The following GABPB2 variants were observed in gnomAD, a reference collection of about 807,000 sequenced individuals.
GABPB2 encodes the protein GA binding protein transcription factor subunit beta 2.
A neutral mutation model predicts 39.1 loss-of-function variants in GABPB2; 23 were observed. That is an observed-to-expected ratio of 0.59 (90% CI 0.42 to 0.83). The LOEUF is 0.83. Ranked by LOEUF, GABPB2 falls within the 40% of genes least tolerant of loss-of-function variation. The pLI is 0.00. For missense variants in GABPB2, 467 were observed against 541.1 expected (o/e 0.86, Z 1.36); for synonymous variants, 184 against 199.3 (o/e 0.92, Z 0.65).
At chr1:151,114,359 T>C (rs192134721) in intron 7 of GABPB2, among the ~76,000 whole-genome samples, 48 of 150,124 alleles carry the variant, frequency 3.2e-4, no homozygotes, top group Non-Finnish European at 5.9e-4. Context: ...AATAAATAAA[T>C]AAATAAATAA....
chr1:151,077,472 T>C (rs1303513409), intron 1 of GABPB2, among the ~76,000 whole-genome samples: 1 of 148,944 alleles, frequency 6.7e-6, no homozygotes, highest in Non-Finnish European at 1.5e-5. Flanking sequence ...TTCTTCTGCC[T>C]CAGCCTCCTG....
intron 7 of GABPB2, among the ~76,000 whole-genome samples, chr1:151,113,469 CAAAA>C (rs959062545): frequency 1.6e-5 from 1 of 63,258 alleles, no homozygotes; most frequent in African/African-American, 5.2e-5. Context: ...ACTCCAACTG[CAAAA>C]AAAAAAAAAA....
chr1:151,103,568 C>G lies in GABPB2; in HGVS notation c.629C>G (p.Pro210Arg). The change falls in exon 6 of 9, where the codon CCC becomes CGC. Residue 210 changes from proline to arginine, a missense_variant. Pro to Arg is a moderately radical substitution (Grantham distance 103, BLOSUM62 -2). Transcript: ENST00000368918. ...GTCTTTCTTACTGAAATAGGTGACC[C>G]CCATGCCTCAACAGTACAGTTTTCA... ...STNTKTTSGDPHASTVQFSNS... is the reference protein window; with the variant it reads ...STNTKTTSGDRHASTVQFSNS... 1 of 1,611,752 alleles carries G rather than the reference C, an allele frequency of 6.2e-7. No homozygotes were observed. The highest frequency in any genetic ancestry group is 8.5e-7 in the Non-Finnish European group (1 of 1,178,130).
chr1:151,076,794 A>AT (rs57200969), intron 1 of GABPB2, among the ~76,000 whole-genome samples: 4,575 of 120,094 alleles, frequency 0.038, 124 homozygotes, highest in African/African-American at 0.084. Context: ...ACTTGGTCTG[A>AT]TTTTTTTTTT....
intron 2 of GABPB2, among the ~76,000 whole-genome samples, chr1:151,089,645 CTTTA>C (rs1331918903): frequency 6.6e-6 from 1 of 151,886 alleles, no homozygotes; most frequent in African/African-American, 2.4e-5. Flanking sequence ...TTAAAATTTA[CTTTA>C]TTTATTTATT....
At chr1:151,115,051 G>A (rs1257849734) in intron 7 of GABPB2, among the ~76,000 whole-genome samples, 1 of 152,080 alleles carries the variant, frequency 6.6e-6, no homozygotes, top group Non-Finnish European at 1.5e-5. Flanking sequence ...CTATTCTCTG[G>A]GATAAATGCC....
At chr1:151,100,580 CTTTTTTTTTTT>C (rs35251516) in intron 5 of GABPB2, among the ~76,000 whole-genome samples, 826 of 46,736 alleles carry the variant, frequency 0.018, 19 homozygotes, top group African/African-American at 0.063. Flanking sequence ...TGTGCCTGGC[CTTTTTTTTTTT>C]TTTTTTTTTT....
In GABPB2 at chr1:151,093,175, A is replaced by G; in HGVS notation, c.277-17A>G. 1.3e-6 allele frequency: 2 copies of G among 1,533,802 alleles called. No individual in the cohort carries two copies. The highest frequency in any genetic ancestry group is 1.8e-6 in the Non-Finnish European group (2 of 1,138,688). ...CTATAACCGCTGTTTGTTGAAAAAA[A>G]TGCTTTTCTGTGACAGAATGGTGCA... On this transcript the variant is annotated splice_polypyrimidine_tract_variant and intron_variant, in intron 3 of 8. Coordinates refer to ENST00000368918, the MANE Select transcript of GABPB2 (RefSeq NM_144618.3).
At position 151,125,238 on chromosome 1, in the gene GABPB2, C is replaced by T. The variant is rs1167287300; in HGVS notation, c.*6982C>T. On this transcript the variant is annotated 3_prime_UTR_variant, in exon 9 of 9. Transcript: ENST00000368918. The stretch of plus-strand genomic sequence containing the variant: ...TCTCTCCCTGACCTTGCCCCATGTG[C>T]TGTCCTTCTGTCAAGGCCATTTGTG... The T allele has an allele frequency of 6.6e-6, 1 of 152,252 alleles. No individual in the cohort carries two copies. The highest frequency in any genetic ancestry group is 2.4e-5 in the African/African-American group (1 of 41,428). The allele number at this position is 152,252 out of a possible 1,614,324, so 9.4% of individuals were successfully genotyped here.
chr1:151,107,166 T>G lies in GABPB2; in HGVS notation c.866T>G (p.Ile289Ser), dbSNP rs1223010652. The change falls in exon 7 of 9, where the codon ATC becomes AGC. Residue 289 changes from isoleucine to serine, a missense_variant. Coordinates refer to ENST00000368918, the MANE Select transcript of GABPB2 (RefSeq NM_144618.3). ...CCTCTGGGTAATATCCAAACTTCAA[T>G]CCCTACTGGAGGCATTGGCCAGCCA... Reference protein sequence around the residue: ...GVPLGNIQTSIPTGGIGQPFI... With the variant: ...GVPLGNIQTSSPTGGIGQPFI... The G allele has an allele frequency of 2.5e-6, 4 of 1,612,822 alleles. No individual in the cohort carries two copies. The highest frequency in any genetic ancestry group is 3.4e-6 in the Non-Finnish European group (4 of 1,179,534).
intron 3 of GABPB2, among the ~76,000 whole-genome samples, chr1:151,090,969 G>T (rs142196255): frequency 0.011 from 1,635 of 151,242 alleles, 42 homozygotes; most frequent in African/African-American, 0.038. Flanking sequence ...CTGCACTCCA[G>T]CCTGGACAAC....
chr1:151,092,634 G>A lies in GABPB2; in HGVS notation c.277-558G>A, dbSNP rs1007491803. Among the ~76,000 whole-genome samples the A allele has an allele frequency of 4.7e-5, 7 of 147,516 alleles. No individual in the cohort carries two copies. The East Asian group carries it at 1.4e-3, about 30-fold the overall frequency. On this transcript the variant is annotated intron_variant, in intron 3 of 8. Coordinates refer to ENST00000368918, the MANE Select transcript of GABPB2 (RefSeq NM_144618.3). ...GACGGTGGTCTCACTCTGTCACCCA[G>A]GCTAGAGTGTGGTGGTGCAGCCTCC...
Position 151,103,569 on chromosome 1 carries a change from C to G in GABPB2, c.630C>G (p.Pro210=). The G allele has an allele frequency of 1.9e-6, 3 of 1,612,066 alleles. No homozygotes were observed. Among genetic ancestry groups the G allele is most frequent in the East Asian group, 4.5e-5 (2 of 44,872 alleles). ...TCTTTCTTACTGAAATAGGTGACCCCCATGCCTCAACAGTACAGTTTTCAA... is the reference window on the plus strand; with the variant it reads ...TCTTTCTTACTGAAATAGGTGACCCGCATGCCTCAACAGTACAGTTTTCAA... ...STNTKTTSGD[P]HASTVQFSNS... The change falls in exon 6 of 9, where the codon CCC becomes CCG. Residue 210 remains proline, a synonymous_variant. Coordinates refer to ENST00000368918, the MANE Select transcript of GABPB2 (RefSeq NM_144618.3).
rs587752690 is a variant in GABPB2, at chr1:151,079,125, T to C, written c.-1+8191T>C. Among the ~76,000 whole-genome samples the C allele has an allele frequency of 1.5e-3, 226 of 152,336 alleles. 1 individual carries two copies. Among genetic ancestry groups the C allele is most frequent in the African/African-American group, 5.3e-3 (222 of 41,574 alleles). ...CTATTTACATTCTAATCCCAAAGTTTAATTATATCTCTATATAGTAAGAAA... is the reference window on the plus strand; with the variant it reads ...CTATTTACATTCTAATCCCAAAGTTCAATTATATCTCTATATAGTAAGAAA... On this transcript the variant is annotated intron_variant, in intron 1 of 8. Coordinates refer to ENST00000368918, the MANE Select transcript of GABPB2 (RefSeq NM_144618.3).
intron 5 of GABPB2, 98 bp from the exon 6 acceptor site, chr1:151,103,464 T>C: frequency 1.4e-6 from 1 of 732,744 alleles, no homozygotes; most frequent in Non-Finnish European, 2.4e-6. Context: ...TTGAGGACAT[T>C]AGAAGGAAAA....
At chr1:151,117,712 T>G (rs587759118) in intron 8 of GABPB2, among the ~76,000 whole-genome samples, 196 bp downstream of exon 8, 1 of 152,246 alleles carries the variant, frequency 6.6e-6, no homozygotes, top group South Asian at 2.1e-4. Flanking sequence ...GCCTCCTGAG[T>G]AGCTGGGATT....
intron 5 of GABPB2, among the ~76,000 whole-genome samples, chr1:151,101,688 A>G (rs759228395): frequency 3.3e-5 from 5 of 152,212 alleles, no homozygotes; most frequent in African/African-American, 4.8e-5. Flanking sequence ...CTGACAAGAA[A>G]TGTTTATAGG....
chr1:151,075,373 G>A (rs145932198), intron 1 of GABPB2, among the ~76,000 whole-genome samples: 3,206 of 151,966 alleles, frequency 0.021, 100 homozygotes, highest in African/African-American at 0.073. Flanking sequence ...GACCATCCTG[G>A]CTAACATGGT....
At chr1:151,106,849 A>C (rs587757296) in intron 6 of GABPB2, among the ~76,000 whole-genome samples, 188 bp from the exon 7 acceptor site, 1 of 152,270 alleles carries the variant, frequency 6.6e-6, no homozygotes, top group African/African-American at 2.4e-5. Context: ...TACTGTTCTA[A>C]TGCATTCTGT....
Sources: gnomAD v4.1 joint callset for allele counts (sites outside exome capture counted in the v4.1 genomes callset) on GRCh38, gnomAD v4.1.1 for gene constraint, MANE v1.5 for transcripts, NCBI Gene and HGNC (gene_info 2026-07-23, HGNC 2026-07-21) for gene names.